Variants in PLCB4 observed in about 807,000 individuals in gnomAD.
PLCB4 encodes phospholipase C beta 4, also known as 1-phosphatidylinositol 4,5-bisphosphate phosphodiesterase beta-4.
A neutral mutation model predicts 178.8 loss-of-function variants in PLCB4; 77 were observed. The observed-to-expected ratio is 0.43, with a 90% CI of 0.36 to 0.52. The LOEUF is 0.52. Ranked by LOEUF, PLCB4 falls within the 20% of genes least tolerant of loss-of-function variation. The pLI, the probability that PLCB4 is intolerant of heterozygous loss-of-function variation, is 0.00. For synonymous variants in PLCB4, 496 were observed against 490.8 expected (o/e 1.01, Z -0.14); for missense variants, 1,024 against 1,453.4 (o/e 0.70, Z 4.80).
intron 2 of PLCB4, among the ~76,000 whole-genome samples, chr20:9,100,339 G>A (rs748411232): frequency 6.6e-6 from 1 of 152,156 alleles, no homozygotes; most frequent in East Asian, 1.9e-4. Flanking sequence ...TCCTCCTTAC[G>A]TGGAATAATA....
intron 4 of PLCB4, among the ~76,000 whole-genome samples, chr20:9,335,678 T>C (rs940513868): frequency 6.6e-6 from 1 of 152,194 alleles, no homozygotes; most frequent in Non-Finnish European, 1.5e-5. Flanking sequence ...TGGAACTACT[T>C]CCACTTGTTA....
At chr20:9,184,674 C>T (rs1225851599) in intron 2 of PLCB4, among the ~76,000 whole-genome samples, 1 of 148,290 alleles carries the variant, frequency 6.7e-6, no homozygotes, top group East Asian at 2.0e-4. Flanking sequence ...CTAGTTTTGA[C>T]TCTTACGGAA....
At chr20:9,210,452 T>C (rs2093661365) in intron 2 of PLCB4, among the ~76,000 whole-genome samples, 1 of 152,106 alleles carries the variant, frequency 6.6e-6, no homozygotes, top group East Asian at 1.9e-4. Flanking sequence ...TAGGGATCAC[T>C]CACTTGGGTC....
At chr20:9,357,583 T>C (rs1250136108) in intron 7 of PLCB4, among the ~76,000 whole-genome samples, 1 of 152,156 alleles carries the variant, frequency 6.6e-6, no homozygotes, top group Non-Finnish European at 1.5e-5. Context: ...CATTAGAGGA[T>C]GGGGCCTTTG....
intron 14 of PLCB4, among the ~76,000 whole-genome samples, chr20:9,384,790 AT>A (rs1324421967): frequency 6.6e-6 from 1 of 150,466 alleles, no homozygotes; most frequent in African/African-American, 2.5e-5. Flanking sequence ...GCACTTGTAA[AT>A]TAGCTTTTTT....
intron 2 of PLCB4, among the ~76,000 whole-genome samples, chr20:9,149,929 T>C (rs1465846159): frequency 1.3e-5 from 2 of 152,140 alleles, no homozygotes; most frequent in Non-Finnish European, 2.9e-5. Context: ...ACAAGAGCCT[T>C]AGTTAACCCT....
At chr20:9,070,709 C>G (rs2089527503) in intron 1 of PLCB4, among the ~76,000 whole-genome samples, 1 of 152,154 alleles carries the variant, frequency 6.6e-6, no homozygotes, top group African/African-American at 2.4e-5. Flanking sequence ...GTAAGACTTG[C>G]TGCCAGACGA....
chr20:9,364,765 CA>C (rs1326262150), intron 8 of PLCB4, among the ~76,000 whole-genome samples: 6 of 152,148 alleles, frequency 3.9e-5, no homozygotes, highest in African/African-American at 1.4e-4. Flanking sequence ...TGATTGGAAA[CA>C]GGAAGAATGG....
At chr20:9,189,599 G>A (rs527951679) in intron 2 of PLCB4, among the ~76,000 whole-genome samples, 6 of 152,320 alleles carry the variant, frequency 3.9e-5, no homozygotes, top group South Asian at 4.1e-4. Context: ...TACTGTCTCA[G>A]TCCATTTATG....
rs373106299 is a variant in PLCB4 at position 9,238,479 on chromosome 20, A to G, written c.-16+21027A>G. Among the ~76,000 whole-genome samples the G allele has an allele frequency of 2.0e-5, 3 of 152,280 alleles. No individual in the cohort carries two copies. The South Asian group carries it at 6.2e-4, about 32-fold the overall frequency. ...CACAGCAGGAACACTGGTGAACAGC[A>G]TAGCCTTTGATTTCCAAATCCAGTC... On this transcript the variant is annotated intron_variant, in intron 3 of 39. Coordinates refer to ENST00000378473, the MANE Select transcript of PLCB4 (RefSeq NM_001377142.1).
At chr20:9,319,118 A>C (rs1178891534) in intron 4 of PLCB4, among the ~76,000 whole-genome samples, 1 of 152,214 alleles carries the variant, frequency 6.6e-6, no homozygotes, top group Non-Finnish European at 1.5e-5. Context: ...TAGCCATTGA[A>C]TTAACAGAGT....
At chr20:9,404,361 C>G (rs1450149534) in intron 20 of PLCB4, among the ~76,000 whole-genome samples, 1 of 152,054 alleles carries the variant, frequency 6.6e-6, no homozygotes, top group Non-Finnish European at 1.5e-5. Flanking sequence ...GGAATATTGC[C>G]TTTACACACT....
intron 2 of PLCB4, among the ~76,000 whole-genome samples, chr20:9,161,011 C>G (rs1298530479): frequency 6.6e-6 from 1 of 152,128 alleles, no homozygotes; most frequent in Non-Finnish European, 1.5e-5. Context: ...AATGAAATCT[C>G]AAGCAGCAAG....
At chr20:9,262,376 C>T (rs2094306979) in intron 3 of PLCB4, among the ~76,000 whole-genome samples, 1 of 152,118 alleles carries the variant, frequency 6.6e-6, no homozygotes, top group Admixed American at 6.6e-5. Flanking sequence ...AAGAGCATAG[C>T]TCCCACCTCC....
intron 4 of PLCB4, among the ~76,000 whole-genome samples, chr20:9,308,745 A>G (rs1222994407): frequency 6.6e-6 from 1 of 152,170 alleles, no homozygotes; most frequent in Non-Finnish European, 1.5e-5. Context: ...TGTTGACTTG[A>G]TATTTCTGCA....
intron 24 of PLCB4, 61 bp downstream of exon 24, chr20:9,409,242 G>A (rs755733571): frequency 1.4e-4 from 202 of 1,428,494 alleles, no homozygotes; most frequent in African/African-American, 4.1e-4. Context: ...GATGGTGCCA[G>A]CACTTCCCAT....
chr20:9,250,359 A>G (rs1478278255), intron 3 of PLCB4, among the ~76,000 whole-genome samples: 2 of 152,226 alleles, frequency 1.3e-5, no homozygotes, highest in Admixed American at 6.5e-5. Context: ...CAGCATTAAA[A>G]CACTTCTAAA....
At chr20:9,143,335 G>A (rs1233002285) in intron 2 of PLCB4, among the ~76,000 whole-genome samples, 1 of 152,138 alleles carries the variant, frequency 6.6e-6, no homozygotes, top group Admixed American at 6.6e-5. Context: ...GTAAACATTT[G>A]TTGAGTGAAT....
At chr20:9,458,497 A>G (rs2043191544) in intron 34 of PLCB4, among the ~76,000 whole-genome samples, 2 of 152,220 alleles carry the variant, frequency 1.3e-5, no homozygotes, top group African/African-American at 4.8e-5. Flanking sequence ...ACAGTTTATT[A>G]GGTCACAATT....
Sources: allele counts gnomAD v4.1 joint callset (sites outside exome capture counted in the v4.1 genomes callset), GRCh38; gene constraint gnomAD v4.1.1; transcripts MANE v1.5; gene names NCBI Gene and HGNC (gene_info 2026-07-23, HGNC 2026-07-21).